REEP3: variants seen among roughly 807,000 people sequenced by gnomAD.
REEP3 encodes receptor accessory protein 3.
Under a neutral mutation model 41.3 loss-of-function variants are expected in REEP3, and 20 were observed. The ratio of observed to expected loss-of-function variants is 0.48; its 90% CI spans 0.34 to 0.70. REEP3 has a LOEUF of 0.70. REEP3 is among the 30% of genes least tolerant of loss of function. The probability of loss-of-function intolerance (pLI) is 0.01; values close to 1 mark genes in which losing one functional copy is unlikely to be tolerated. For missense variants in REEP3, 271 were observed against 308.8 expected (o/e 0.88, Z 0.92); for synonymous variants, 104 against 101.8 (o/e 1.02, Z -0.13).
At chr10:63,560,417 A>G (rs1955729799) in intron 1 of REEP3, among the ~76,000 whole-genome samples, 1 of 152,216 alleles carries the variant, frequency 6.6e-6, no homozygotes, top group African/African-American at 2.4e-5. Flanking sequence ...GTGTCTGAAT[A>G]TCTGTCTAGA....
intron 1 of REEP3, among the ~76,000 whole-genome samples, chr10:63,523,783 A>G (rs569678217): frequency 4.6e-5 from 7 of 152,362 alleles, no homozygotes; most frequent in African/African-American, 1.4e-4. Context: ...TCGGGTGGGG[A>G]AAAAGCAAGC....
chr10:63,601,368 T>C (rs1204722164), intron 5 of REEP3, among the ~76,000 whole-genome samples: 1 of 152,138 alleles, frequency 6.6e-6, no homozygotes, highest in African/African-American at 2.4e-5. Context: ...ATTTACCTAC[T>C]GGTTATCTTT....
At chr10:63,609,810 T>G (rs1255803088) in intron 5 of REEP3, among the ~76,000 whole-genome samples, 2 of 152,074 alleles carry the variant, frequency 1.3e-5, no homozygotes, top group African/African-American at 4.8e-5. Flanking sequence ...AATTAAAAGT[T>G]GCCCTAAATA....
intron 1 of REEP3, among the ~76,000 whole-genome samples, chr10:63,544,418 TA>T (rs1325295297): frequency 6.6e-6 from 1 of 152,038 alleles, no homozygotes; most frequent in African/African-American, 2.4e-5. Flanking sequence ...CTGAAGTGAG[TA>T]TTTGGGACAT....
chr10:63,542,515 A>G (rs960524974), intron 1 of REEP3, among the ~76,000 whole-genome samples: 1 of 152,252 alleles, frequency 6.6e-6, no homozygotes, highest in African/African-American at 2.4e-5. Context: ...TCCTTATGAT[A>G]CAAAGAACTA....
intron 5 of REEP3, among the ~76,000 whole-genome samples, chr10:63,600,114 A>G (rs1325173794): frequency 6.6e-6 from 1 of 152,164 alleles, no homozygotes; most frequent in Non-Finnish European, 1.5e-5. Flanking sequence ...ATTAAATTAA[A>G]TTGAGATTGA....
At chr10:63,607,915 T>C (rs1026085859) in intron 5 of REEP3, among the ~76,000 whole-genome samples, 1 of 152,242 alleles carries the variant, frequency 6.6e-6, no homozygotes, top group South Asian at 2.1e-4. Flanking sequence ...CTTTGAGTCA[T>C]TTGTATCCTG....
At chr10:63,592,772 A>C (rs1407020270) in intron 2 of REEP3, among the ~76,000 whole-genome samples, 2 of 152,180 alleles carry the variant, frequency 1.3e-5, no homozygotes, top group African/African-American at 4.8e-5. Context: ...GTGCGCCTGT[A>C]ATCCCAGCTA....
At chr10:63,524,689 G>T (rs750927766) in intron 1 of REEP3, among the ~76,000 whole-genome samples, 10 of 151,944 alleles carry the variant, frequency 6.6e-5, no homozygotes, top group Non-Finnish European at 1.0e-4. Flanking sequence ...CAAGTGATCC[G>T]CCCACCTTCC....
chr10:63,592,782 A>T (rs772891705), intron 2 of REEP3, among the ~76,000 whole-genome samples: 4 of 151,856 alleles, frequency 2.6e-5, no homozygotes, highest in Non-Finnish European at 5.9e-5. Flanking sequence ...AATCCCAGCT[A>T]CTCAGGAGGC....
intron 5 of REEP3, chr10:63,606,018 T>A: frequency 2.4e-6 from 1 of 418,820 alleles, no homozygotes; most frequent in South Asian, 1.0e-4. Context: ...CTCACGATGA[T>A]CAGTTTCAAT....
chr10:63,558,568 C>T (rs576899890), intron 1 of REEP3, among the ~76,000 whole-genome samples: 85 of 152,176 alleles, frequency 5.6e-4, no homozygotes, highest in African/African-American at 1.9e-3. Flanking sequence ...AGACAGATTG[C>T]TTGAGACCAG....
chr10:63,568,489 G>A (rs1027626355), intron 2 of REEP3, among the ~76,000 whole-genome samples: 7 of 151,748 alleles, frequency 4.6e-5, no homozygotes, highest in Admixed American at 1.3e-4. Context: ...GGACGGTCTC[G>A]ATCTCCCAAC....
intron 2 of REEP3, among the ~76,000 whole-genome samples, chr10:63,580,012 A>G (rs1955935020): frequency 6.6e-6 from 1 of 152,250 alleles, no homozygotes; most frequent in African/African-American, 2.4e-5. Flanking sequence ...AGGAGAAATA[A>G]TCATTGACTA....
intron 1 of REEP3, among the ~76,000 whole-genome samples, chr10:63,560,278 C>G (rs1955728506): frequency 6.6e-6 from 1 of 152,154 alleles, no homozygotes; most frequent in South Asian, 2.1e-4. Flanking sequence ...GATATTAGTG[C>G]TTTGTAACCT....
chr10:63,621,056 GGCAGTTCT>G lies in REEP3; in HGVS notation c.*191_*198del. The stretch of plus-strand genomic sequence containing the variant: ...TTGCTTCCAAATATTGACTACTAAA[GGCAGTTCT>G]GCAAGATGTACTAAATATGTATATT... On this transcript the variant is annotated 3_prime_UTR_variant, in exon 8 of 8. Coordinates refer to ENST00000373758, the MANE Select transcript of REEP3 (RefSeq NM_001001330.3). The G allele has an allele frequency of 2.1e-6, 1 of 469,724 alleles. No homozygotes were observed. Among genetic ancestry groups the G allele is most frequent in the Non-Finnish European group, 3.8e-6 (1 of 263,670 alleles). 29.1% of individuals were successfully genotyped at this position (469,724 alleles called of 1,614,324 possible).
At chr10:63,594,105 T>C (rs1306304343) in intron 2 of REEP3, among the ~76,000 whole-genome samples, 3 of 151,566 alleles carry the variant, frequency 2.0e-5, no homozygotes, top group Non-Finnish European at 4.4e-5. Flanking sequence ...AGGCCAGGCA[T>C]GGTGGCTCAT....
intron 1 of REEP3, among the ~76,000 whole-genome samples, chr10:63,529,971 G>A (rs570277215): frequency 9.2e-5 from 14 of 151,968 alleles, no homozygotes; most frequent in Non-Finnish European, 1.8e-4. Context: ...TAGAGACAGC[G>A]TTTCACCATG....
At chr10:63,596,548 A>G (rs1047697618) in intron 3 of REEP3, among the ~76,000 whole-genome samples, 1 of 152,074 alleles carries the variant, frequency 6.6e-6, no homozygotes, top group Non-Finnish European at 1.5e-5. Flanking sequence ...GAAGAACTCA[A>G]ATTTGCTCAG....
Sources: gnomAD v4.1 joint callset for allele counts (sites outside exome capture counted in the v4.1 genomes callset) on GRCh38, gnomAD v4.1.1 for gene constraint, MANE v1.5 for transcripts, NCBI Gene and HGNC (gene_info 2026-07-23, HGNC 2026-07-21) for gene names.